The following CARS1 variants were observed in gnomAD, a reference collection of about 807,000 sequenced individuals.
CARS1 encodes the protein cysteine--tRNA ligase, cytoplasmic.
Under a neutral mutation model 106.2 loss-of-function variants are expected in CARS1, and 48 were observed. That is an observed-to-expected ratio of 0.45 (90% CI 0.36 to 0.57). The LOEUF (loss-of-function observed/expected upper bound fraction) is 0.57. Ranked by LOEUF, CARS1 falls within the 20% of genes least tolerant of loss-of-function variation. The pLI, the probability that CARS1 is intolerant of heterozygous loss-of-function variation, is 0.00. For missense variants in CARS1, 968 were observed against 1,057.2 expected (o/e 0.92, Z 1.17); for synonymous variants, 409 against 403.4 (o/e 1.01, Z -0.17).
At chr11:3,025,397 TG>T (rs1358743087) in intron 10 of CARS1, among the ~76,000 whole-genome samples, 3 of 152,118 alleles carry the variant, frequency 2.0e-5, no homozygotes, top group African/African-American at 4.8e-5. Flanking sequence ...CTGGCTAATT[TG>T]TGTATTTTTA....
rs926666739 is a variant in CARS1, at chr11:3,037,520, GGAAA to G, written c.801+526_801+529del. 6.6e-6 allele frequency among the ~76,000 whole-genome samples: 1 copy of G among 152,232 alleles called. No homozygotes were observed. The highest frequency in any genetic ancestry group is 2.4e-5 in the African/African-American group (1 of 41,464). ...ACTGTGTCCAGGGCGCCAGCCACAGGGAAAGGCCTGAGGAAGAGGGCAGGGTCCC... is the reference window on the plus strand; with the variant it reads ...ACTGTGTCCAGGGCGCCAGCCACAGGGGCCTGAGGAAGAGGGCAGGGTCCC... On this transcript the variant is annotated intron_variant, in intron 7 of 22. Transcript: ENST00000380525. This position sits in a 1 kb window ranked among gnomAD's most constrained non-coding sequence, Gnocchi z 5.9.
intron 7 of CARS1, among the ~76,000 whole-genome samples, chr11:3,036,536 A>G (rs1853662147): frequency 6.6e-6 from 1 of 152,250 alleles, no homozygotes; most frequent in South Asian, 2.1e-4. Flanking sequence ...AAGCTTTGGC[A>G]AGGATGTGGA....
In CARS1 at chr11:3,038,152, C is replaced by G; in HGVS notation, c.699G>C (p.Gln233His). The change falls in exon 7 of 23, where the codon CAG becomes CAC. Residue 233 changes from glutamine to histidine, a missense_variant. Coordinates refer to ENST00000380525, the MANE Select transcript of CARS1 (RefSeq NM_001014437.3). The surrounding 1 kb of genome is among the most constrained non-coding windows in gnomAD (Gnocchi z 4.0). ...LNETTDPDKK[Q>H]MLERIQHAVQ... ...CTGCGTGCTGAATCCGTTCGAGCAT[C>G]TGCTTTTTATCGGGATCCGTGGTCT... The G allele has an allele frequency of 6.2e-7, 1 of 1,614,174 alleles. No individual in the cohort carries two copies. The highest frequency in any genetic ancestry group is 8.5e-7 in the Non-Finnish European group (1 of 1,179,990).
chr11:3,013,725 T>C (rs1850723340), intron 17 of CARS1, among the ~76,000 whole-genome samples: 1 of 151,946 alleles, frequency 6.6e-6, no homozygotes, highest in African/African-American at 2.4e-5. Flanking sequence ...TGGTGGTGCA[T>C]GCCTGTAGTC....
At chr11:3,016,276 A>G (rs1267246173) in intron 16 of CARS1, among the ~76,000 whole-genome samples, 1 of 150,304 alleles carries the variant, frequency 6.7e-6, no homozygotes, top group Non-Finnish European at 1.5e-5. Context: ...GCTGGAGTGC[A>G]ATGGCGCAAT....
rs1378936921 is a variant in CARS1, at chr11:3,008,620, A to C, written c.2069-1661T>G. On this transcript the variant is annotated intron_variant, in intron 18 of 22. Coordinates refer to ENST00000380525, the MANE Select transcript of CARS1 (RefSeq NM_001014437.3). This position sits in a 1 kb window ranked among gnomAD's most constrained non-coding sequence, Gnocchi z 5.1. ...GCGACAGGGCAAGACTCCATCTCAA[A>C]AAAAAAAAAAAAAAATTGCATATCC... 2.0e-5 allele frequency: 3 copies of C among 151,302 alleles called. No homozygotes were observed. The highest frequency in any genetic ancestry group is 6.6e-5 in the Admixed American group (1 of 15,194). The allele number at this position is 151,302 out of a possible 1,614,324, so 9.4% of individuals were successfully genotyped here. A position where few individuals can be genotyped will look rare whatever the true frequency, so the allele number is the denominator to read the frequency against.
In CARS1 at chr11:3,039,191, C is replaced by G. The variant is rs149456532; in HGVS notation, c.651+3G>C. On this transcript the variant is annotated splice_donor_region_variant and intron_variant, in intron 6 of 22. Coordinates refer to ENST00000380525, the MANE Select transcript of CARS1 (RefSeq NM_001014437.3). The surrounding 1 kb of genome is among the most constrained non-coding windows in gnomAD (Gnocchi z 5.6). Reference sequence around the variant, plus strand: ...TTTCTAGAGCAGACAGCAAGAGGCCCACCTTCAGGGCGGCCTGAACATCCT... The same window carrying G: ...TTTCTAGAGCAGACAGCAAGAGGCCGACCTTCAGGGCGGCCTGAACATCCT... The G allele has an allele frequency of 1.3e-6, 2 of 1,598,010 alleles. No homozygotes were observed. The highest frequency in any genetic ancestry group is 3.3e-5 in the Admixed American group (2 of 59,844).
chr11:3,036,057 T>C (rs773941359), intron 7 of CARS1, among the ~76,000 whole-genome samples: 1 of 152,230 alleles, frequency 6.6e-6, no homozygotes, highest in Non-Finnish European at 1.5e-5. Context: ...AGGGTGCCTA[T>C]GTGATGGGCT....
chr11:3,012,331 A>T lies in CARS1; in HGVS notation c.1987-55T>A, dbSNP rs540541811. 293 of 1,484,454 alleles carry T rather than the reference A, an allele frequency of 2.0e-4. 3 individuals are homozygous for T. The South Asian group carries it at 3.2e-3, about 16-fold the overall frequency. 92.0% of individuals were successfully genotyped at this position (1,484,454 alleles called of 1,614,324 possible). A position where few individuals can be genotyped will look rare whatever the true frequency, so the allele number is the denominator to read the frequency against. On this transcript the variant is annotated intron_variant, in intron 17 of 22. Coordinates refer to ENST00000380525, the MANE Select transcript of CARS1 (RefSeq NM_001014437.3). Reference sequence around the variant, plus strand: ...GAGCTGCTCACACTCCCATATTCATAACAGAATAATAGCTCAGTGGCCGCG... The same window carrying T: ...GAGCTGCTCACACTCCCATATTCATTACAGAATAATAGCTCAGTGGCCGCG...
At chr11:3,054,974 T>C in intron 1 of CARS1, 1 of 702,622 alleles carries the variant, frequency 1.4e-6, no homozygotes. Flanking sequence ...AAACTCATCC[T>C]TCTGAAATAA....
chr11:3,032,020 C>T (rs449356), intron 7 of CARS1, among the ~76,000 whole-genome samples: 257 of 10,694 alleles, frequency 0.024, 25 homozygotes, highest in African/African-American at 0.057. Context: ...CCCTCCCTCC[C>T]TCCCTCCCTC....
rs552719576 is a variant in CARS1, at chr11:3,010,276, C to T, written c.2068+1919G>A. Among the ~76,000 whole-genome samples the T allele has an allele frequency of 8.5e-5, 13 of 152,324 alleles. No homozygotes were observed. In the South Asian group the frequency reaches 1.7e-3, roughly 19 times the overall value. On this transcript the variant is annotated intron_variant, in intron 18 of 22. Coordinates refer to ENST00000380525, the MANE Select transcript of CARS1 (RefSeq NM_001014437.3). ...GCCAGGGAAGCCAAGGCCACGTGCA[C>T]AGTCTTGTATGACCCCAGGGAGCTG...
chr11:3,041,257 T>G lies in CARS1; in HGVS notation c.367-273A>C. On this transcript the variant is annotated intron_variant, in intron 3 of 22. Coordinates refer to ENST00000380525, the MANE Select transcript of CARS1 (RefSeq NM_001014437.3). The surrounding 1 kb of genome is among the most constrained non-coding windows in gnomAD (Gnocchi z 4.9). ...GGGAGGCGATAAAGGGAATCAATGA[T>G]TTTATTGATTGTTGAAATGCTGCTT... 4.3e-6 allele frequency: 2 copies of G among 466,104 alleles called. No homozygotes were observed. Among genetic ancestry groups the G allele is most frequent in the Non-Finnish European group, 7.7e-6 (2 of 258,256 alleles). 28.9% of individuals were successfully genotyped at this position (466,104 alleles called of 1,614,324 possible).
At chr11:3,057,244 G>T in intron 1 of CARS1, 99 bp downstream of exon 1, 1 of 1,050,764 alleles carries the variant, frequency 9.5e-7, no homozygotes, top group Non-Finnish European at 1.4e-6. Context: ...CATGCACCCG[G>T]GCCCCTCAGA....
intron 16 of CARS1, among the ~76,000 whole-genome samples, 180 bp from the exon 17 acceptor site, chr11:3,016,029 G>A (rs1044473548): frequency 6.6e-6 from 1 of 152,156 alleles, no homozygotes; most frequent in South Asian, 2.1e-4. Flanking sequence ...ATTGCTCCAG[G>A]ATGGCCCTGA....
chr11:3,003,195 C>T lies in CARS1; in HGVS notation c.2218-595G>A, dbSNP rs902676848. Among the ~76,000 whole-genome samples, 2 of 137,196 alleles carry T rather than the reference C, an allele frequency of 1.5e-5. No individual in the cohort carries two copies. The highest frequency in any genetic ancestry group is 3.2e-5 in the Non-Finnish European group (2 of 62,000). The allele number at this position is 137,196 out of a possible 152,430, so 90.0% of individuals were successfully genotyped here. A position where few individuals can be genotyped will look rare whatever the true frequency, so the allele number is the denominator to read the frequency against. On this transcript the variant is annotated intron_variant, in intron 20 of 22. Transcript: ENST00000380525. The surrounding 1 kb of genome is among the most constrained non-coding windows in gnomAD (Gnocchi z 4.8). ...GCTGGGTGCCGGTGAGGGAAGCCCT[C>T]GGTTGCTTTGGGAGGTTCTGGCCTG...
chr11:3,029,287 C>A lies in CARS1; in HGVS notation c.942+16G>T, dbSNP rs1399730071. ...TTAGCGCAAGAGAGCCAGCACAAGACAATCGTGACACTTACATTCAGAGCT... is the reference window on the plus strand; with the variant it reads ...TTAGCGCAAGAGAGCCAGCACAAGAAAATCGTGACACTTACATTCAGAGCT... On this transcript the variant is annotated intron_variant, in intron 8 of 22. Coordinates refer to ENST00000380525, the MANE Select transcript of CARS1 (RefSeq NM_001014437.3). The surrounding 1 kb of genome is among the most constrained non-coding windows in gnomAD (Gnocchi z 5.9). 6.2e-7 allele frequency: 1 copy of A among 1,613,482 alleles called. No individual in the cohort carries two copies. Among genetic ancestry groups the A allele is most frequent in the Admixed American group, 1.7e-5 (1 of 60,012 alleles).
Position 3,017,373 on chromosome 11 carries a change from TG to T in CARS1, c.1728-79del, listed in dbSNP as rs1451569265. ...AAATTCCCCATGTGGCCAGGCGCAG[TG>T]GCTCACGCCTATAATCCCAGCACTT... On this transcript the variant is annotated intron_variant, in intron 15 of 22. Coordinates refer to ENST00000380525, the MANE Select transcript of CARS1 (RefSeq NM_001014437.3). The surrounding 1 kb of genome is among the most constrained non-coding windows in gnomAD (Gnocchi z 4.9). 2 of 1,325,948 alleles carry T rather than the reference TG, an allele frequency of 1.5e-6. No homozygotes were observed. Among genetic ancestry groups the T allele is most frequent in the Non-Finnish European group, 2.1e-6 (2 of 938,158 alleles). 82.1% of individuals were successfully genotyped at this position (1,325,948 alleles called of 1,614,324 possible). A position where few individuals can be genotyped will look rare whatever the true frequency, so the allele number is the denominator to read the frequency against.
intron 19 of CARS1, among the ~76,000 whole-genome samples, chr11:3,006,062 A>G (rs1313879089): frequency 6.6e-6 from 1 of 152,208 alleles, no homozygotes; most frequent in Non-Finnish European, 1.5e-5. Flanking sequence ...GCTTGAGGTG[A>G]TGGACATCTC....
Sources: gnomAD v4.1 joint callset for allele counts (sites outside exome capture counted in the v4.1 genomes callset) on GRCh38, gnomAD v4.1.1 for gene constraint, Gnocchi (gnomAD v3.1) non-coding constraint, MANE v1.5 for transcripts, NCBI Gene and HGNC (gene_info 2026-07-23, HGNC 2026-07-21) for gene names.